Variants in CADPS observed in about 807,000 individuals in gnomAD.
CADPS encodes the protein calcium dependent secretion activator.
CADPS carries 57 observed loss-of-function variants against 167.3 expected under a neutral mutation model. The ratio of observed to expected loss-of-function variants is 0.34; its 90% CI spans 0.28 to 0.42. CADPS has a LOEUF of 0.42. CADPS is among the 20% of genes least tolerant of loss of function. The pLI is 1.00. For synonymous variants in CADPS, 676 were observed against 635.3 expected (o/e 1.06, Z -0.96); for missense variants, 1,414 against 1,738.1 (o/e 0.81, Z 3.32).
At chr3:62,829,149 G>A (rs1198251959) in intron 1 of CADPS, among the ~76,000 whole-genome samples, 1 of 152,120 alleles carries the variant, frequency 6.6e-6, no homozygotes, top group Non-Finnish European at 1.5e-5. Flanking sequence ...TGGTTTCCCA[G>A]CATAAAAAAT....
At chr3:62,672,822 G>A (rs1402260758) in intron 3 of CADPS, among the ~76,000 whole-genome samples, 2 of 152,066 alleles carry the variant, frequency 1.3e-5, no homozygotes, top group Non-Finnish European at 2.9e-5. Context: ...GTCATGCTAC[G>A]TTGCCCAGGC....
chr3:62,740,513 G>C (rs1430752136), intron 3 of CADPS, among the ~76,000 whole-genome samples: 1 of 152,042 alleles, frequency 6.6e-6, no homozygotes, highest in Admixed American at 6.6e-5. Context: ...GTCTATAATT[G>C]GGTAAAAGAA....
At chr3:62,779,314 G>A (rs17067183) in intron 1 of CADPS, 6,746 of 391,524 alleles carry the variant, frequency 0.017, 115 homozygotes, top group East Asian at 0.061. Flanking sequence ...CTTCTTTCCC[G>A]CAGTGGTCAT....
chr3:62,566,928 G>A lies in CADPS; in HGVS notation c.1644+3944C>T, dbSNP rs1266413024. On this transcript the variant is annotated intron_variant, in intron 9 of 29. Transcript: ENST00000383710. Reference sequence around the variant, plus strand: ...AACTTATTTTCTCCTGCCTTTCTAGGAAAGATACTGAGCTTTAGATGAGAA... The same window carrying A: ...AACTTATTTTCTCCTGCCTTTCTAGAAAAGATACTGAGCTTTAGATGAGAA... 2.6e-5 allele frequency among the ~76,000 whole-genome samples: 4 copies of A among 152,132 alleles called. No individual in the cohort carries two copies. The East Asian group carries it at 7.7e-4, about 29-fold the overall frequency.
chr3:62,666,524 G>A (rs955607120), intron 3 of CADPS, among the ~76,000 whole-genome samples: 2 of 152,158 alleles, frequency 1.3e-5, no homozygotes, highest in East Asian at 1.9e-4. Flanking sequence ...AGCCTTTCAC[G>A]TTGGCAGATC....
At chr3:62,596,343 C>T (rs534411575) in intron 6 of CADPS, among the ~76,000 whole-genome samples, 1 of 151,888 alleles carries the variant, frequency 6.6e-6, no homozygotes, top group East Asian at 2.0e-4. Context: ...TTACAGGTGC[C>T]CGCCACCGTG....
At chr3:62,750,673 A>C (rs1255101058) in intron 3 of CADPS, among the ~76,000 whole-genome samples, 1 of 152,178 alleles carries the variant, frequency 6.6e-6, no homozygotes, top group East Asian at 1.9e-4. Flanking sequence ...CACAGTTAAC[A>C]TTTTGTTCTT....
chr3:62,667,037 G>T (rs200900186), intron 3 of CADPS, among the ~76,000 whole-genome samples: 67 of 133,656 alleles, frequency 5.0e-4, no homozygotes, highest in East Asian at 1.8e-3. Flanking sequence ...TTCCAATCTT[G>T]TTTTTTTTTT....
At chr3:62,552,991 G>A (rs934405935) in intron 10 of CADPS, among the ~76,000 whole-genome samples, 1 of 152,150 alleles carries the variant, frequency 6.6e-6, no homozygotes, top group Admixed American at 6.5e-5. Flanking sequence ...GAAGGAGGAG[G>A]AAGAAGAGCT....
At chr3:62,836,452 C>A (rs1269075090) in intron 1 of CADPS, among the ~76,000 whole-genome samples, 2 of 152,038 alleles carry the variant, frequency 1.3e-5, no homozygotes, top group African/African-American at 4.8e-5. Context: ...AAAAGGACCA[C>A]AAAAGGAAGG....
chr3:62,519,696 T>C (rs2069957732), intron 13 of CADPS, among the ~76,000 whole-genome samples: 1 of 152,190 alleles, frequency 6.6e-6, no homozygotes, highest in Admixed American at 6.5e-5. Context: ...CATAGCTCAC[T>C]GTGGCCTTGA....
At chr3:62,464,932 GA>G (rs777502686) in intron 26 of CADPS, among the ~76,000 whole-genome samples, 21 of 152,218 alleles carry the variant, frequency 1.4e-4, no homozygotes, top group Non-Finnish European at 2.4e-4. Flanking sequence ...ATTCAGTTAA[GA>G]AGAACATACT....
At chr3:62,423,860 A>T (rs927852323) in intron 28 of CADPS, among the ~76,000 whole-genome samples, 2 of 152,238 alleles carry the variant, frequency 1.3e-5, no homozygotes, top group Non-Finnish European at 1.5e-5. Context: ...CACATTTAAC[A>T]AGATGGTGCT....
Position 62,775,397 on chromosome 3 carries a change from A to G in CADPS, c.442-9413T>C, listed in dbSNP as rs191243615. Among the ~76,000 whole-genome samples, 12 of 152,242 alleles carry G rather than the reference A, an allele frequency of 7.9e-5. No individual in the cohort carries two copies. The East Asian group carries it at 2.3e-3, about 29-fold the overall frequency. ...TAAAAATCATACATTGGTCATATCA[A>G]AAATGAATTCAGTGAGTTATGTTAA... On this transcript the variant is annotated intron_variant, in intron 1 of 29. Coordinates refer to ENST00000383710, the MANE Select transcript of CADPS (RefSeq NM_003716.4).
In CADPS at chr3:62,739,561, C is replaced by T. The variant is rs564253422; in HGVS notation, c.888+13880G>A. Among the ~76,000 whole-genome samples the T allele has an allele frequency of 3.3e-5, 5 of 152,272 alleles. No homozygotes were observed. The East Asian group carries it at 9.7e-4, about 29-fold the overall frequency. On this transcript the variant is annotated intron_variant, in intron 3 of 29. Transcript: ENST00000383710. ...AATGATCCTTGTTAAATCTTTTTGG[C>T]CTCCCTATACATAAGGATTTCACAC...
At chr3:62,582,518 T>TAA (rs2083637255) in intron 8 of CADPS, among the ~76,000 whole-genome samples, 1 of 152,202 alleles carries the variant, frequency 6.6e-6, no homozygotes, top group Admixed American at 6.5e-5. Flanking sequence ...TCTACCCTCC[T>TAA]TTACACAACT....
intron 6 of CADPS, among the ~76,000 whole-genome samples, chr3:62,621,715 T>A (rs533836723): frequency 2.0e-5 from 3 of 152,104 alleles, no homozygotes; most frequent in African/African-American, 7.2e-5. Flanking sequence ...CCTTTAGTTA[T>A]TTTTTCTGAT....
At chr3:62,499,624 G>A (rs1385035967) in intron 17 of CADPS, 2 of 157,610 alleles carry the variant, frequency 1.3e-5, no homozygotes, top group African/African-American at 4.8e-5. Flanking sequence ...TACCTGAAGT[G>A]GGAAGATTAA....
At chr3:62,684,897 G>C (rs569578157) in intron 3 of CADPS, among the ~76,000 whole-genome samples, 1 of 152,138 alleles carries the variant, frequency 6.6e-6, no homozygotes, top group East Asian at 1.9e-4. Flanking sequence ...TTCTGAGAAA[G>C]ATGCTGGAGG....
Sources: gnomAD v4.1 joint callset for allele counts (sites outside exome capture counted in the v4.1 genomes callset) on GRCh38, gnomAD v4.1.1 for gene constraint, MANE v1.5 for transcripts, NCBI Gene and HGNC (gene_info 2026-07-23, HGNC 2026-07-21) for gene names.